CDC42BPA: variants seen among roughly 807,000 people sequenced by gnomAD.
The protein encoded by CDC42BPA is serine/threonine-protein kinase MRCK alpha.
In CDC42BPA, 80 loss-of-function variants were observed where a neutral mutation model predicts 223.5. The ratio of observed to expected loss-of-function variants is 0.36; its 90% confidence interval spans 0.30 to 0.43. The LOEUF (loss-of-function observed/expected upper bound fraction) is 0.43, where lower values mean the gene tolerates loss of function less well. Among genes scored for constraint, CDC42BPA ranks in the 20% least tolerant of loss-of-function variants. The pLI is 1.00. For missense variants in CDC42BPA, 1,743 were observed against 2,099.9 expected (o/e 0.83, Z 3.32); for synonymous variants, 694 against 718.6 (o/e 0.97, Z 0.55).
intron 14 of CDC42BPA, among the ~76,000 whole-genome samples, chr1:227,107,537 T>G (rs1378707606): frequency 1.3e-5 from 2 of 152,154 alleles, no homozygotes; most frequent in Non-Finnish European, 2.9e-5. Flanking sequence ...TCCTCCTGCC[T>G]CAGCCCCCAG....
intron 16 of CDC42BPA, among the ~76,000 whole-genome samples, chr1:227,083,924 G>T (rs1312563356): frequency 1.3e-5 from 2 of 152,140 alleles, no homozygotes; most frequent in African/African-American, 4.8e-5. Context: ...TTGTAAAACT[G>T]TGGAATACCA....
intron 3 of CDC42BPA, among the ~76,000 whole-genome samples, chr1:227,210,383 T>C (rs1044122370): frequency 6.6e-6 from 1 of 152,146 alleles, no homozygotes; most frequent in Non-Finnish European, 1.5e-5. Flanking sequence ...CCCTAGCTGG[T>C]CTACCTTATT....
chr1:227,265,212 C>T, intron 1 of CDC42BPA: 1 of 595,882 alleles, frequency 1.7e-6, no homozygotes, highest in South Asian at 1.9e-5. Flanking sequence ...AAAGTGCACA[C>T]TTTGGCATCT....
Position 227,090,487 on chromosome 1 carries a change from T to C in CDC42BPA, c.2355+1399A>G, listed in dbSNP as rs927864930. ...CCAGCCCTTATTATTTAAATTTAAG[T>C]AGAATTATTAAAACTTCTGGGCTGG... is the stretch of plus-strand genomic sequence containing the variant. On this transcript the variant is annotated intron_variant, in intron 16 of 36. Coordinates refer to ENST00000366766, the MANE Select transcript of CDC42BPA (RefSeq NM_001394014.1). 3.3e-5 allele frequency among the ~76,000 whole-genome samples: 5 copies of C among 152,242 alleles called. No homozygotes were observed. The South Asian group carries it at 8.3e-4, about 25-fold the overall frequency.
intron 35 of CDC42BPA, among the ~76,000 whole-genome samples, chr1:227,003,812 G>A (rs1663415790): frequency 6.6e-6 from 1 of 151,964 alleles, no homozygotes. Context: ...GCAGTTCCGA[G>A]TACAGTTAAA....
chr1:227,187,777 A>G (rs564144465), intron 5 of CDC42BPA, among the ~76,000 whole-genome samples: 2 of 150,982 alleles, frequency 1.3e-5, no homozygotes, highest in South Asian at 4.2e-4. Flanking sequence ...AAGCCAGAGG[A>G]AAAAAACACC....
rs551971065 is a variant in CDC42BPA, at chr1:227,193,679, G to A, written c.599+107C>T. ...CTCAAAATAATTTTTTTTGGTTGAC[G>A]ATAAATGTATCCAAGACCATAATTA... On this transcript the variant is annotated intron_variant, in intron 5 of 36. Coordinates refer to ENST00000366766, the MANE Select transcript of CDC42BPA (RefSeq NM_001394014.1). The A allele has an allele frequency of 1.2e-4, 108 of 921,522 alleles. 2 individuals are homozygous for A. Among genetic ancestry groups the A allele is most frequent in the African/African-American group, 4.2e-4 (25 of 59,604 alleles). 57.1% of individuals were successfully genotyped at this position (921,522 alleles called of 1,614,324 possible). A position where few individuals can be genotyped will look rare whatever the true frequency, so the allele number is the denominator to read the frequency against.
intron 6 of CDC42BPA, among the ~76,000 whole-genome samples, chr1:227,151,590 G>A (rs1221960240): frequency 6.6e-6 from 1 of 152,032 alleles, no homozygotes; most frequent in South Asian, 2.1e-4. Context: ...CACCAACAGT[G>A]CCCAAGGATC....
intron 2 of CDC42BPA, chr1:227,234,404 A>T (rs990109187): frequency 6.6e-6 from 1 of 152,220 alleles, no homozygotes; most frequent in Non-Finnish European, 1.5e-5. Context: ...CTAACAATTA[A>T]AAAGACATCA....
At chr1:227,021,655 T>G (rs1011439613) in intron 32 of CDC42BPA, among the ~76,000 whole-genome samples, 1 of 149,574 alleles carries the variant, frequency 6.7e-6, no homozygotes, top group Admixed American at 6.7e-5. Context: ...TTCTGATGGA[T>G]TTTTTTTTTG....
At chr1:227,110,845 T>C (rs1433290874) in intron 14 of CDC42BPA, among the ~76,000 whole-genome samples, 1 of 152,228 alleles carries the variant, frequency 6.6e-6, no homozygotes, top group Non-Finnish European at 1.5e-5. Context: ...CAAGAGTTTA[T>C]ATTTCTATTT....
intron 1 of CDC42BPA, among the ~76,000 whole-genome samples, chr1:227,264,340 T>C (rs1052521444): frequency 6.6e-6 from 1 of 152,138 alleles, no homozygotes; most frequent in Admixed American, 6.5e-5. Flanking sequence ...CTTCTCCCTG[T>C]ATCTGAGGAT....
chr1:227,015,044 C>T (rs1416818324), intron 34 of CDC42BPA, among the ~76,000 whole-genome samples: 1 of 152,136 alleles, frequency 6.6e-6, no homozygotes, highest in African/African-American at 2.4e-5. Flanking sequence ...CAGCCTCAAA[C>T]TCCTGGGCTC....
intron 17 of CDC42BPA, among the ~76,000 whole-genome samples, chr1:227,075,998 A>ATTACATGTTGAACACATTTAT (rs1553326113): frequency 6.6e-5 from 10 of 152,274 alleles, no homozygotes; most frequent in Admixed American, 6.5e-4. Flanking sequence ...TGTTGAACAC[A>ATTACATGTTGAACACATTTAT]TTACATGTTG....
chr1:227,035,573 G>T lies in CDC42BPA; in HGVS notation c.3234C>A (p.Asn1078Lys), dbSNP rs1476837393. ...GAACTGGACAAGTGGTTGGAGCTTTGTTTACACAAGTTATATGGCATGAGA... is the reference window on the plus strand; with the variant it reads ...GAACTGGACAAGTGGTTGGAGCTTTTTTTACACAAGTTATATGGCATGAGA... ...CGFSCHITCV[N>K]KAPTTCPVPP... The change falls in exon 25 of 37, where the codon AAC becomes AAA. Residue 1078 changes from asparagine (N) to lysine (K), a missense_variant. By Grantham distance (94) the Asn-to-Lys change is moderately conservative. Coordinates refer to ENST00000366766, the MANE Select transcript of CDC42BPA (RefSeq NM_001394014.1). The T allele has an allele frequency of 1.9e-6, 3 of 1,607,632 alleles. No homozygotes were observed. The highest frequency in any genetic ancestry group is 2.5e-6 in the Non-Finnish European group (3 of 1,178,410).
chr1:227,003,848 A>C (rs1362891959), intron 35 of CDC42BPA, among the ~76,000 whole-genome samples: 1 of 152,174 alleles, frequency 6.6e-6, no homozygotes, highest in African/African-American at 2.4e-5. Context: ...AACAAAAAAA[A>C]CGGAGAGAGA....
At chr1:226,995,060 C>A (rs1661343146) in intron 35 of CDC42BPA, 80 bp from the exon 36 acceptor site, 1 of 1,320,822 alleles carries the variant, frequency 7.6e-7, no homozygotes, top group Admixed American at 2.0e-5. Flanking sequence ...GCTGAGCTGA[C>A]AGGCCATCCT....
intron 12 of CDC42BPA, among the ~76,000 whole-genome samples, chr1:227,117,851 TGAGA>T (rs1450224307): frequency 1.3e-5 from 2 of 151,984 alleles, no homozygotes; most frequent in African/African-American, 2.4e-5. Flanking sequence ...GATAAGCCAC[TGAGA>T]GATATTTGTA....
At chr1:227,297,967 T>TATATATATATATACACACACAC (rs369403944) in intron 1 of CDC42BPA, among the ~76,000 whole-genome samples, 131 of 132,062 alleles carry the variant, frequency 9.9e-4, no homozygotes, top group African/African-American at 3.5e-3. Flanking sequence ...TATATACATA[T>TATATATATATATACACACACAC]ACACACACAC....
Sources: gnomAD v4.1 joint callset for allele counts (sites outside exome capture counted in the v4.1 genomes callset) on GRCh38, gnomAD v4.1.1 for gene constraint, MANE v1.5 for transcripts, NCBI Gene and HGNC (gene_info 2026-07-23, HGNC 2026-07-21) for gene names.